TATDN1: variants seen among roughly 807,000 people sequenced by gnomAD.
The protein encoded by TATDN1 is deoxyribonuclease TATDN1.
TATDN1 carries 40 observed loss-of-function variants against 46.4 expected under a neutral mutation model. The observed-to-expected ratio is 0.86, with a 90% CI of 0.67 to 1.12. The LOEUF is 1.12. Among genes scored for constraint, TATDN1 ranks in the 50% most tolerant of loss-of-function variants. The pLI is 0.00. For synonymous variants in TATDN1, 95 were observed against 105.6 expected, an observed-to-expected ratio of 0.90 and a Z score of 0.62; for missense variants, 326 against 348.4, an observed-to-expected ratio of 0.94 and a Z score of 0.51.
intron 1 of TATDN1, among the ~76,000 whole-genome samples, chr8:124,529,670 T>G (rs1350007132): frequency 6.6e-6 from 1 of 152,234 alleles, no homozygotes; most frequent in Non-Finnish European, 1.5e-5. Flanking sequence ...CCATTTCTCT[T>G]GCAAGCTTTC....
intron 11 of TATDN1, among the ~76,000 whole-genome samples, chr8:124,490,675 AAT>A (rs1473168182): frequency 2.0e-5 from 3 of 152,176 alleles, no homozygotes; most frequent in Non-Finnish European, 4.4e-5. Context: ...TTCCAAAATG[AAT>A]ATAAAGTTGT....
At chr8:124,498,970 T>TA (rs1391345179) in intron 9 of TATDN1, among the ~76,000 whole-genome samples, 1 of 149,298 alleles carries the variant, frequency 6.7e-6, no homozygotes, top group Non-Finnish European at 1.5e-5. Context: ...TTTTTTTTTT[T>TA]AATTTAAGAG....
intron 11 of TATDN1, chr8:124,491,059 C>T (rs1182118729): frequency 6.6e-6 from 1 of 152,316 alleles, no homozygotes; most frequent in African/African-American, 2.4e-5. Flanking sequence ...GGTAGGATTA[C>T]AGGTGTGAGC....
At chr8:124,495,573 G>T in intron 9 of TATDN1, 31 bp from the exon 10 acceptor site, 2 of 1,535,226 alleles carry the variant, frequency 1.3e-6, no homozygotes. Context: ...TATTTTAAAA[G>T]GCAGCAATTA....
chr8:124,511,842 T>C (rs776175557), intron 6 of TATDN1, among the ~76,000 whole-genome samples: 2 of 152,196 alleles, frequency 1.3e-5, no homozygotes, highest in African/African-American at 2.4e-5. Flanking sequence ...GCATGACTCA[T>C]GTCACTATGG....
chr8:124,495,458 G>A lies in TATDN1; in HGVS notation c.664+14C>T. 1 of 1,593,038 alleles carries A rather than the reference G, an allele frequency of 6.3e-7. No individual in the cohort carries two copies. The highest frequency in any genetic ancestry group is 8.5e-7 in the Non-Finnish European group (1 of 1,170,488). ...ATGGTTTAATATGAAACAAAGTTCT[G>A]AAAACAAACTTACCTGTCTCAATCA... is the stretch of plus-strand genomic sequence containing the variant. On this transcript the variant is annotated intron_variant, in intron 10 of 11. Coordinates refer to ENST00000276692, the MANE Select transcript of TATDN1 (RefSeq NM_032026.4).
intron 9 of TATDN1, among the ~76,000 whole-genome samples, chr8:124,501,790 C>T (rs74403837): frequency 0.011 from 1,695 of 152,010 alleles, 28 homozygotes; most frequent in African/African-American, 0.038. Flanking sequence ...TAAAGATGTG[C>T]CCCCCACTGG....
chr8:124,496,667 G>A (rs917355021), intron 9 of TATDN1, among the ~76,000 whole-genome samples: 1 of 152,060 alleles, frequency 6.6e-6, no homozygotes, highest in Admixed American at 6.6e-5. Flanking sequence ...ATTTCTTTTG[G>A]CACTGAATAA....
At chr8:124,532,146 G>A (rs1446536617) in intron 1 of TATDN1, among the ~76,000 whole-genome samples, 1 of 152,152 alleles carries the variant, frequency 6.6e-6, no homozygotes. Context: ...GCCACATGCT[G>A]GGTGGCAGCT....
chr8:124,495,131 A>G (rs1817354866), intron 10 of TATDN1: 1 of 303,594 alleles, frequency 3.3e-6, no homozygotes, highest in African/African-American at 2.3e-5. Context: ...GACACTGTGT[A>G]AACAAAATTC....
chr8:124,514,813 A>G (rs537215820), intron 6 of TATDN1, among the ~76,000 whole-genome samples: 1 of 152,300 alleles, frequency 6.6e-6, no homozygotes, highest in East Asian at 1.9e-4. Context: ...TGAGCTTTGG[A>G]GTTTTCTCAG....
At chr8:124,537,452 G>C (rs1821549612) in intron 1 of TATDN1, among the ~76,000 whole-genome samples, 1 of 152,160 alleles carries the variant, frequency 6.6e-6, no homozygotes, top group Admixed American at 6.5e-5. Flanking sequence ...AAAGTGGGCA[G>C]GACTGGACCA....
chr8:124,518,891 A>G lies in TATDN1; in HGVS notation c.139-10T>C, dbSNP rs374735616. The G allele has an allele frequency of 2.1e-5, 33 of 1,583,112 alleles. No homozygotes were observed. In the African/African-American group the frequency reaches 4.2e-4, roughly 20 times the overall value. ...CACCTGTAATCATAAACTGAAATAG[A>G]AAGAAAATAAAATAAGCTGACTTTA... is the stretch of plus-strand genomic sequence containing the variant. On this transcript the variant is annotated splice_polypyrimidine_tract_variant and intron_variant, in intron 3 of 11. Coordinates refer to ENST00000276692, the MANE Select transcript of TATDN1 (RefSeq NM_032026.4).
intron 10 of TATDN1, 172 bp downstream of exon 10, chr8:124,495,300 T>C: frequency 3.3e-6 from 2 of 610,972 alleles, no homozygotes; most frequent in Non-Finnish European, 5.7e-6. Context: ...CATTTGCATA[T>C]GTTTTTCCAT....
intron 6 of TATDN1, 30 bp downstream of exon 6, chr8:124,515,716 A>G (rs770263244): frequency 6.2e-7 from 1 of 1,600,508 alleles, no homozygotes; most frequent in Non-Finnish European, 8.6e-7. Flanking sequence ...TGATTTTACA[A>G]TAATTTGTAA....
intron 3 of TATDN1, among the ~76,000 whole-genome samples, chr8:124,520,423 C>T (rs1338043399): frequency 2.0e-5 from 3 of 148,726 alleles, no homozygotes; most frequent in East Asian, 3.9e-4. Flanking sequence ...GGGGACAGAG[C>T]GAGACTCGCC....
intron 11 of TATDN1, among the ~76,000 whole-genome samples, chr8:124,492,080 T>G (rs1312320182): frequency 6.6e-6 from 1 of 152,006 alleles, no homozygotes; most frequent in South Asian, 2.1e-4. Context: ...GTTCAAGCGA[T>G]TCTCCTGCCT....
intron 8 of TATDN1, 28 bp downstream of exon 8, chr8:124,508,446 G>A (rs1238759133): frequency 1.3e-6 from 2 of 1,597,114 alleles, no homozygotes; most frequent in African/African-American, 1.3e-5. Context: ...TGTTCAACCT[G>A]TATTAAAAAT....
intron 1 of TATDN1, among the ~76,000 whole-genome samples, chr8:124,532,865 T>TAGTG (rs1195384321): frequency 3.3e-4 from 50 of 152,050 alleles, no homozygotes; most frequent in Admixed American, 3.3e-3. Flanking sequence ...AAGGATCCAT[T>TAGTG]AGTGGGTAAG....
Sources: allele counts gnomAD v4.1 joint callset (sites outside exome capture counted in the v4.1 genomes callset), GRCh38; gene constraint gnomAD v4.1.1; transcripts MANE v1.5; gene names NCBI Gene and HGNC (gene_info 2026-07-23, HGNC 2026-07-21).